The following FAM47E variants were observed in gnomAD, a reference collection of about 807,000 sequenced individuals.
The protein encoded by FAM47E is protein FAM47E.
FAM47E carries 32 observed loss-of-function variants against 41.6 expected under a neutral mutation model. The observed-to-expected ratio is 0.77, with a 90% CI of 0.58 to 1.03. The LOEUF (loss-of-function observed/expected upper bound fraction) is 1.03, where lower values mean the gene tolerates loss of function less well. FAM47E is among the 50% of genes least tolerant of loss of function. The probability of loss-of-function intolerance (pLI) is 0.00; values close to 1 mark genes in which losing one functional copy is unlikely to be tolerated. For missense variants in FAM47E, 424 were observed against 485.4 expected, an observed-to-expected ratio of 0.87 and a Z score of 1.19; for synonymous variants, 184 against 188.7, an observed-to-expected ratio of 0.98 and a Z score of 0.20.
intron 2 of FAM47E, among the ~76,000 whole-genome samples, chr4:76,226,484 G>A (rs1353976615): frequency 6.6e-6 from 1 of 152,208 alleles, no homozygotes; most frequent in African/African-American, 2.4e-5. Flanking sequence ...TATGCCCTGA[G>A]CCCTGGATTC....
At chr4:76,268,001 A>G (rs1734713333) in intron 3 of FAM47E, 1 of 152,202 alleles carries the variant, frequency 6.6e-6, no homozygotes, top group Non-Finnish European at 1.5e-5. Context: ...TATAAAGGGT[A>G]CTCTCATACA....
At chr4:76,235,687 A>G (rs72858541) in intron 2 of FAM47E, among the ~76,000 whole-genome samples, 6 of 152,216 alleles carry the variant, frequency 3.9e-5, no homozygotes, top group African/African-American at 1.4e-4. Context: ...CATATTACCA[A>G]CTTAAGACCA....
rs1734196686 is a variant in FAM47E at position 76,256,470 on chromosome 4, AC to A, written c.371del (p.Pro124HisfsTer4). ...CCTGGAGGACGTGGAGGCCCACCTG[AC>A]CCCACATCCCTTAGCGCTCTACCTG... ...AFLEDVEAHL[T>X]PHPLALYLNL... is the part of the protein sequence containing the mutation. On this transcript the variant is annotated frameshift_variant, in exon 2 of 8. Coordinates refer to ENST00000424749, the MANE Select transcript of FAM47E (RefSeq NM_001136570.3). LOFTEE classifies it high-confidence loss of function. The A allele has an allele frequency of 7.1e-6, 11 of 1,551,596 alleles. No homozygotes were observed. The highest frequency in any genetic ancestry group is 9.6e-6 in the Non-Finnish European group (11 of 1,147,028).
intron 2 of FAM47E, among the ~76,000 whole-genome samples, chr4:76,236,053 A>G (rs1733581427): frequency 6.6e-6 from 1 of 152,224 alleles, no homozygotes; most frequent in Non-Finnish European, 1.5e-5. Flanking sequence ...AGAGCAAAGT[A>G]TAACAACTGG....
At chr4:76,237,308 C>T (rs1473980245) in intron 2 of FAM47E, among the ~76,000 whole-genome samples, 1 of 151,010 alleles carries the variant, frequency 6.6e-6, no homozygotes, top group Non-Finnish European at 1.5e-5. Flanking sequence ...TTTAAAAGTG[C>T]CCTGGCTGAG....
rs17001749 is a variant in FAM47E at position 76,280,651 on chromosome 4, A to G, written c.1104+310A>G. On this transcript the variant is annotated intron_variant, in intron 7 of 7. Transcript: ENST00000424749. Reference sequence around the variant, plus strand: ...TCTATGTACAGGGCATGGGCCTTGCAAATTCCAACTGTTACTCAACACCCT... The same window carrying G: ...TCTATGTACAGGGCATGGGCCTTGCGAATTCCAACTGTTACTCAACACCCT... 3.0e-3 allele frequency: 647 copies of G among 213,486 alleles called. 5 individuals carry two copies. The highest frequency in any genetic ancestry group is 0.014 in the African/African-American group (602 of 43,882). 13.2% of individuals were successfully genotyped at this position (213,486 alleles called of 1,614,324 possible).
At chr4:76,254,064 G>A (rs542874375) in intron 1 of FAM47E, among the ~76,000 whole-genome samples, 1 of 150,548 alleles carries the variant, frequency 6.6e-6, no homozygotes, top group East Asian at 2.0e-4. Flanking sequence ...TGAGGCTGCA[G>A]TGAGCTATTG....
At chr4:76,236,421 A>G (rs1733587541) in intron 2 of FAM47E, 1 of 152,140 alleles carries the variant, frequency 6.6e-6, no homozygotes, top group Non-Finnish European at 1.5e-5. Context: ...TAGAACCCAC[A>G]TCTGGGTTGT....
At chr4:76,221,411 T>A (rs2109979852) in intron 2 of FAM47E, among the ~76,000 whole-genome samples, 1 of 152,276 alleles carries the variant, frequency 6.6e-6, no homozygotes, top group East Asian at 1.9e-4. Flanking sequence ...CTCTGCCTCC[T>A]GGGTTCAAGC....
Position 76,263,577 on chromosome 4 carries a change from G to A in FAM47E, c.421-127G>A. ...ACCCAGCATAATACTTGGCACAGAA[G>A]TTGGTGAACAGCACTGATGGACTGA... On this transcript the variant is annotated intron_variant, in intron 2 of 7. Coordinates refer to ENST00000424749, the MANE Select transcript of FAM47E (RefSeq NM_001136570.3). The A allele has an allele frequency of 1.1e-5, 12 of 1,141,190 alleles. No individual in the cohort carries two copies. The South Asian group carries it at 1.2e-4, about 12-fold the overall frequency. 70.7% of individuals were successfully genotyped at this position (1,141,190 alleles called of 1,614,324 possible).
chr4:76,215,003 A>G (rs910246388), intron 1 of FAM47E, among the ~76,000 whole-genome samples: 3 of 152,232 alleles, frequency 2.0e-5, no homozygotes, highest in Non-Finnish European at 4.4e-5. Context: ...GGGGTGGGGA[A>G]TCCTTTAGCC....
intron 3 of FAM47E, among the ~76,000 whole-genome samples, chr4:76,264,550 G>A (rs1331975772): frequency 1.3e-5 from 2 of 151,982 alleles, no homozygotes; most frequent in East Asian, 3.9e-4. Flanking sequence ...CATAAACGCA[G>A]TGATAAGTTT....
chr4:76,268,545 C>G, intron 3 of FAM47E, 115 bp from the exon 4 acceptor site: 1 of 1,062,600 alleles, frequency 9.4e-7, no homozygotes, highest in Non-Finnish European at 1.3e-6. Context: ...TGTGAGCTTG[C>G]AAGAGACTGT....
intron 1 of FAM47E, among the ~76,000 whole-genome samples, chr4:76,217,364 T>C (rs974792337): frequency 1.3e-5 from 2 of 152,224 alleles, no homozygotes; most frequent in African/African-American, 4.8e-5. Flanking sequence ...AAATCTCATG[T>C]TGAAATTTGA....
Position 76,251,770 on chromosome 4 carries a change from C to T in FAM47E, c.24C>T (p.Leu8=). The T allele has an allele frequency of 1.3e-6, 2 of 1,488,346 alleles. No homozygotes were observed. Among genetic ancestry groups the T allele is most frequent in the Non-Finnish European group, 1.8e-6 (2 of 1,125,412 alleles). 92.2% of individuals were successfully genotyped at this position (1,488,346 alleles called of 1,614,324 possible). A position where few individuals can be genotyped will look rare whatever the true frequency, so the allele number is the denominator to read the frequency against. MADRRRR[L]RPGTLAPVRE... ...CCATGGCGGACCGCAGGCGGCGGCT[C>T]CGGCCGGGGACGTTGGCCCCGGTGC... The change falls in exon 1 of 8, where the codon CTC becomes CTT. Residue 8 remains leucine, a synonymous_variant. Transcript: ENST00000424749.
intron 2 of FAM47E, among the ~76,000 whole-genome samples, chr4:76,237,912 C>T (rs1578758808): frequency 1.3e-5 from 2 of 152,326 alleles, no homozygotes; most frequent in Non-Finnish European, 2.9e-5. Context: ...CAATCACCTC[C>T]CATCAGGCCC....
intron 2 of FAM47E, among the ~76,000 whole-genome samples, chr4:76,259,667 C>T (rs374063074): frequency 3.2e-4 from 48 of 152,170 alleles, no homozygotes; most frequent in East Asian, 2.7e-3. Flanking sequence ...TAAAAGTGAA[C>T]CTGAAAGAGT....
upstream of FAM47E, among the ~76,000 whole-genome samples, chr4:76,249,105 G>A (rs1646586149): frequency 6.6e-6 from 1 of 152,092 alleles, no homozygotes; most frequent in South Asian, 2.1e-4. Context: ...GTACGTGCCT[G>A]TAATCCTAGC....
intron 2 of FAM47E, among the ~76,000 whole-genome samples, chr4:76,228,081 C>A (rs1416191617): frequency 1.1e-5 from 1 of 91,768 alleles, no homozygotes; most frequent in Non-Finnish European, 2.7e-5. Context: ...CTAGTTGGTG[C>A]CTGAATACCT....
Sources: allele counts gnomAD v4.1 joint callset (sites outside exome capture counted in the v4.1 genomes callset), GRCh38; gene constraint gnomAD v4.1.1; transcripts MANE v1.5; gene names NCBI Gene and HGNC (gene_info 2026-07-23, HGNC 2026-07-21).